DPP8: variants seen among roughly 807,000 people sequenced by gnomAD.
DPP8 encodes DPP VIII.
A neutral mutation model predicts 107.5 loss-of-function variants in DPP8; 31 were observed. That is an observed-to-expected ratio of 0.29 (90% CI 0.22 to 0.39). The LOEUF (loss-of-function observed/expected upper bound fraction) is 0.39. Ranked by LOEUF, DPP8 falls within the 10% of genes least tolerant of loss-of-function variation. DPP8 has a pLI of 1.00. For synonymous variants in DPP8, 381 were observed against 356.6 expected (o/e 1.07, Z -0.77); for missense variants, 842 against 1,076.1 (o/e 0.78, Z 3.04).
intron 11 of DPP8, chr15:65,475,500 T>C: frequency 1.4e-6 from 2 of 1,479,466 alleles, no homozygotes; most frequent in Non-Finnish European, 9.4e-7. Flanking sequence ...ACATAGGCCA[T>C]CACATGACCT....
intron 9 of DPP8, 44 bp downstream of exon 9, chr15:65,481,471 G>T (rs1229252206): frequency 2.3e-6 from 3 of 1,303,312 alleles, no homozygotes; most frequent in Non-Finnish European, 3.3e-6. Flanking sequence ...CAAAGCTCTG[G>T]ATCCTAAATT....
At chr15:65,517,008 G>C (rs758595556) in intron 1 of DPP8, 1 of 152,840 alleles carries the variant, frequency 6.5e-6, no homozygotes, top group Non-Finnish European at 1.5e-5. Context: ...AGTGAGCAGG[G>C]AGGGAATCGA....
At chr15:65,473,308 G>A (rs352468) in intron 12 of DPP8, among the ~76,000 whole-genome samples, 8,569 of 146,180 alleles carry the variant, frequency 0.059, 249 homozygotes, top group African/African-American at 0.08. Context: ...CTGGGCGACA[G>A]AGTGAGACTC....
At chr15:65,507,614 G>C (rs1274580535) in intron 2 of DPP8, among the ~76,000 whole-genome samples, 1 of 146,346 alleles carries the variant, frequency 6.8e-6, no homozygotes, top group Non-Finnish European at 1.5e-5. Flanking sequence ...CTTGAACCTA[G>C]GAATTCAAGA....
intron 1 of DPP8, chr15:65,515,817 A>G (rs753752317): frequency 1.3e-4 from 115 of 895,282 alleles, no homozygotes; most frequent in African/African-American, 2.7e-4. Context: ...ATGAAATAAG[A>G]TAAGACTTTG....
intron 1 of DPP8, chr15:65,515,641 T>C (rs371693927): frequency 1.9e-5 from 31 of 1,612,946 alleles, no homozygotes; most frequent in Non-Finnish European, 2.5e-5. Flanking sequence ...CTTAAGTAGT[T>C]TCCCTGGTGC....
intron 12 of DPP8, among the ~76,000 whole-genome samples, chr15:65,468,072 C>T (rs575834201): frequency 1.3e-5 from 2 of 152,148 alleles, no homozygotes; most frequent in South Asian, 2.1e-4. Flanking sequence ...TCATTCAGAA[C>T]TCAAAAAAAC....
intron 11 of DPP8, among the ~76,000 whole-genome samples, chr15:65,476,001 C>T (rs2066353365): frequency 6.6e-6 from 1 of 152,226 alleles, no homozygotes; most frequent in African/African-American, 2.4e-5. Flanking sequence ...ATCTGCCTGC[C>T]TCAGCCTCCC....
chr15:65,512,703 T>G, intron 1 of DPP8, 139 bp from the exon 2 acceptor site: 1 of 796,642 alleles, frequency 1.3e-6, no homozygotes, highest in Non-Finnish European at 2.0e-6. Context: ...CAATGAAACT[T>G]AGTAAGAAAA....
At chr15:65,500,418 C>CAA (rs368383988) in intron 4 of DPP8, among the ~76,000 whole-genome samples, 188 bp downstream of exon 4, 5 of 137,136 alleles carry the variant, frequency 3.6e-5, no homozygotes, top group South Asian at 2.3e-4. Context: ...AATTCTGTCT[C>CAA]AAAAAAAAAA....
At position 65,456,105 on chromosome 15, in the gene DPP8, T is replaced by TAC. The variant is rs1021836383; in HGVS notation, c.2118+118_2118+119dup. 5 of 1,051,288 alleles carry TAC rather than the reference T, an allele frequency of 4.8e-6. No individual in the cohort carries two copies. The African/African-American group carries it at 9.1e-5, about 19-fold the overall frequency. 65.1% of individuals were successfully genotyped at this position (1,051,288 alleles called of 1,614,324 possible). A position where few individuals can be genotyped will look rare whatever the true frequency, so the allele number is the denominator to read the frequency against. On this transcript the variant is annotated intron_variant, in intron 16 of 19. Coordinates refer to ENST00000300141, the MANE Select transcript of DPP8 (RefSeq NM_130434.5). ...TCTCCCACCCCCAAACTCTAACACA[T>TAC]ACACTCTCACTCACTCATTCATAGC...
In DPP8 at chr15:65,446,792, A is replaced by G; in HGVS notation, c.*92T>C. 7.6e-7 allele frequency: 1 copy of G among 1,318,126 alleles called. No homozygotes were observed. The allele number at this position is 1,318,126 out of a possible 1,614,324, so 81.7% of individuals were successfully genotyped here. On this transcript the variant is annotated 3_prime_UTR_variant, in exon 20 of 20. Coordinates refer to ENST00000300141, the MANE Select transcript of DPP8 (RefSeq NM_130434.5). ...TAGATGTTACATGGCAGGTATCAAA[A>G]TGTGATGATCAATTCTGTGTTTTCT... is the stretch of plus-strand genomic sequence containing the variant.
chr15:65,494,824 T>A (rs1036829560), intron 5 of DPP8, among the ~76,000 whole-genome samples: 1 of 152,094 alleles, frequency 6.6e-6, no homozygotes, highest in African/African-American at 2.4e-5. Context: ...TTTTCCTTAC[T>A]CCATCCCCTT....
In DPP8 at chr15:65,490,247, A is replaced by G. The variant is rs772485752; in HGVS notation, c.768T>C (p.Val256=). Residue 256 remains valine, a synonymous_variant, in exon 6 of 20, where the codon GTT becomes GTC. Transcript: ENST00000300141. Reference sequence around the variant, plus strand: ...AATATCTATCAAATTCTTCTTGGAGAACAAAGGTAGCGACTCCAGCTGATC... The same window carrying G: ...AATATCTATCAAATTCTTCTTGGAGGACAAAGGTAGCGACTCCAGCTGATC... ...DARSAGVATF[V]LQEEFDRYSG... The G allele has an allele frequency of 2.5e-6, 4 of 1,613,966 alleles. No individual in the cohort carries two copies. The highest frequency in any genetic ancestry group is 3.4e-6 in the Non-Finnish European group (4 of 1,179,832).
intron 5 of DPP8, among the ~76,000 whole-genome samples, chr15:65,494,313 C>G (rs1360433561): frequency 2.6e-5 from 4 of 151,834 alleles, no homozygotes; most frequent in Admixed American, 6.6e-5. Context: ...TATCCATGCT[C>G]AAGTGATCCT....
chr15:65,512,766 T>C (rs1596160678), intron 1 of DPP8: 12 of 585,660 alleles, frequency 2.0e-5, no homozygotes, highest in East Asian at 5.8e-5. Context: ...TAAAAAAAAA[T>C]TGAGGTCAGG....
At chr15:65,497,747 C>G (rs1213927014) in intron 5 of DPP8, 117 bp downstream of exon 5, 3 of 795,922 alleles carry the variant, frequency 3.8e-6, no homozygotes, top group Non-Finnish European at 5.5e-6. Flanking sequence ...ATTTTAAAGA[C>G]TTGAATTTCA....
chr15:65,472,676 T>TA lies in DPP8; in HGVS notation c.1536+1532dup, dbSNP rs202168689. Among the ~76,000 whole-genome samples the TA allele has an allele frequency of 9.5e-3, 1,441 of 152,284 alleles. 10 individuals carry two copies. The highest frequency in any genetic ancestry group is 0.017 in the Admixed American group (261 of 15,278). Reference sequence around the variant, plus strand: ...TTACTTTTCAAACCATATGCTAACTTACAACTTTTGCTAGGCTCTAAAACT... The same window carrying TA: ...TTACTTTTCAAACCATATGCTAACTTAACAACTTTTGCTAGGCTCTAAAACT... On this transcript the variant is annotated intron_variant, in intron 12 of 19. Transcript: ENST00000300141.
chr15:65,498,376 C>A (rs894534868), intron 4 of DPP8, among the ~76,000 whole-genome samples: 1 of 151,342 alleles, frequency 6.6e-6, no homozygotes, highest in African/African-American at 2.4e-5. Context: ...GAGCCAAGAT[C>A]GTGCCACTGC....
Sources: gnomAD v4.1 joint callset for allele counts (sites outside exome capture counted in the v4.1 genomes callset) on GRCh38, gnomAD v4.1.1 for gene constraint, MANE v1.5 for transcripts, NCBI Gene and HGNC (gene_info 2026-07-23, HGNC 2026-07-21) for gene names.